The following ZNF185 variants were observed in gnomAD, a reference collection of about 807,000 sequenced individuals.
ZNF185 encodes zinc finger protein 185.
Under a neutral mutation model 58.6 loss-of-function variants are expected in ZNF185, and 56 were observed. The ratio of observed to expected loss-of-function variants is 0.95; its 90% confidence interval spans 0.77 to 1.19. ZNF185 has a LOEUF of 1.19. ZNF185 is among the 50% of genes most tolerant of loss of function. ZNF185 has a pLI of 0.00. For synonymous variants in ZNF185, 230 were observed against 215.9 expected (o/e 1.07, Z -0.57); for missense variants, 627 against 573.5 (o/e 1.09, Z -0.95).
intron 10 of ZNF185, among the ~76,000 whole-genome samples, chrX:152,922,478 T>C (rs1939937687): frequency 8.9e-6 from 1 of 111,830 alleles, no homozygotes; most frequent in South Asian, 3.8e-4. Flanking sequence ...AGAGAGCACC[T>C]GGCTCTGGTC....
At chrX:152,915,294 C>A in intron 3 of ZNF185, 91 bp downstream of exon 4, 1 of 949,216 alleles carries the variant, frequency 1.1e-6, no homozygotes, top group Non-Finnish European at 1.5e-6. Flanking sequence ...GGTGGGCAGT[C>A]CACAGGGGAC....
At chrX:152,963,884 C>T (rs2049826068) in exon 18 of ZNF185, 1 of 1,210,022 alleles carries the variant, frequency 8.3e-7, no homozygotes, top group Admixed American at 2.2e-5. Context: ...CTGTCACTGC[C>T]ACATCTGAGC....
At position 152,926,525 on chromosome X, in the gene ZNF185, C is replaced by T. The variant is rs141214673; in HGVS notation, c.831-2050C>T. 5.1e-3 allele frequency among the ~76,000 whole-genome samples: 579 copies of T among 113,041 alleles called. 7 individuals are homozygous for T. Among genetic ancestry groups the T allele is most frequent in the African/African-American group, 0.018 (560 of 31,153 alleles). ...TCGCTCTTTGGCAGAATGAGTCACA[C>T]ACTGTTTGGCACAGGCCACAGTTGG... On this transcript the variant is annotated intron_variant, in intron 11 of 22. Transcript: ENST00000449285.
At chrX:152,909,563 G>C (rs782526568), upstream of ZNF185, among the ~76,000 whole-genome samples, 47 of 112,449 alleles carry the variant, frequency 4.2e-4, no homozygotes, top group Non-Finnish European at 7.9e-4. Context: ...ATGTGTGAAC[G>C]GAGAAGCCGG....
At chrX:152,925,570 C>T (rs1223267435) in intron 11 of ZNF185, among the ~76,000 whole-genome samples, 1 of 111,330 alleles carries the variant, frequency 9.0e-6, no homozygotes, top group African/African-American at 3.3e-5. Context: ...TCTGGTCACT[C>T]AATATTTGGA....
At chrX:152,918,801 G>A (rs1354015394) in intron 6 of ZNF185, among the ~76,000 whole-genome samples, 182 bp from the exon 8 acceptor site, 2 of 111,594 alleles carry the variant, frequency 1.8e-5, no homozygotes, top group Non-Finnish European at 1.9e-5. Context: ...AACCTTTCTG[G>A]GGAAGGGGAG....
chrX:152,940,798 T>C (rs1432321227), intron 15 of ZNF185, among the ~76,000 whole-genome samples: 1 of 112,529 alleles, frequency 8.9e-6, no homozygotes, highest in African/African-American at 3.2e-5. Context: ...CTTCAATTTC[T>C]TTCATTACCT....
chrX:152,924,125 G>GT (rs782342488), intron 11 of ZNF185, among the ~76,000 whole-genome samples: 300 of 110,681 alleles, frequency 2.7e-3, no homozygotes, highest in African/African-American at 9.0e-3. Context: ...AATCACTTCT[G>GT]TTTTTTTGAG....
At chrX:152,941,325 C>T (rs1167339511) in intron 15 of ZNF185, among the ~76,000 whole-genome samples, 2 of 112,192 alleles carry the variant, frequency 1.8e-5, no homozygotes, top group Admixed American at 1.9e-4. Flanking sequence ...CTACTGGCTT[C>T]TTATATGCAG....
At chrX:152,919,692 A>G (rs1341910622) in intron 7 of ZNF185, among the ~76,000 whole-genome samples, 2 of 111,943 alleles carry the variant, frequency 1.8e-5, no homozygotes, top group Non-Finnish European at 3.8e-5. Context: ...TTTGTTAAGC[A>G]CCTTTTGTAT....
intron 3 of ZNF185, 92 bp downstream of exon 4, chrX:152,915,295 C>T: frequency 1.1e-6 from 1 of 947,837 alleles, no homozygotes; most frequent in Non-Finnish European, 1.5e-6. Flanking sequence ...GTGGGCAGTC[C>T]ACAGGGGACA....
chrX:152,910,987 G>A (rs1178498795), upstream of ZNF185, among the ~76,000 whole-genome samples: 6 of 112,043 alleles, frequency 5.4e-5, no homozygotes, highest in African/African-American at 2.0e-4. Flanking sequence ...TCCGAGCAGG[G>A]GTAGGTGGCT....
chrX:152,938,252 G>A, intron 15 of ZNF185, 89 bp downstream of exon 17: 1 of 934,236 alleles, frequency 1.1e-6, no homozygotes, highest in African/African-American at 1.9e-5. Context: ...GGGAAGGTGA[G>A]GCCAGCAAGG....
At chrX:152,966,584 G>C (rs1446473006) in intron 19 of ZNF185, among the ~76,000 whole-genome samples, 1 of 111,519 alleles carries the variant, frequency 9.0e-6, no homozygotes, top group Non-Finnish European at 1.9e-5. Context: ...CAACCTCTCT[G>C]AGCTTTGCTT....
At chrX:152,901,138 G>A in the ZNF185 span, among the ~76,000 whole-genome samples, 2 of 112,211 alleles carry the variant, frequency 1.8e-5, no homozygotes, top group African/African-American at 6.5e-5. Flanking sequence ...GATGCAAACA[G>A]TATCTACCCA....
chrX:152,905,464 C>T, the ZNF185 span, among the ~76,000 whole-genome samples: 9 of 111,750 alleles, frequency 8.1e-5, no homozygotes, highest in Non-Finnish European at 5.7e-5. Flanking sequence ...AAGGGTCTTT[C>T]GTGGGAGGGC....
At chrX:152,938,156 C>G in exon 15 of ZNF185, 2 of 1,181,811 alleles carry the variant, frequency 1.7e-6, no homozygotes, top group Non-Finnish European at 1.1e-6. Context: ...AAAGGCAGAC[C>G]CAAAGGGGTA....
chrX:152,931,332 T>A (rs782520071), intron 12 of ZNF185, among the ~76,000 whole-genome samples: 1 of 112,649 alleles, frequency 8.9e-6, no homozygotes, highest in Admixed American at 9.3e-5. Context: ...TCAAGTGCAG[T>A]GGTGCCATCA....
exon 23 of ZNF185, chrX:152,972,146 A>G (rs2050690084): frequency 8.9e-6 from 1 of 112,367 alleles, no homozygotes; most frequent in Non-Finnish European, 1.9e-5. Context: ...GAGTAATGGC[A>G]TTAATCCCCA....
Sources: gnomAD v4.1 joint callset for allele counts (sites outside exome capture counted in the v4.1 genomes callset) on GRCh38, gnomAD v4.1.1 for gene constraint, MANE v1.5 for transcripts, NCBI Gene and HGNC (gene_info 2026-07-23, HGNC 2026-07-21) for gene names.